SLC8A1: variants seen among roughly 807,000 people sequenced by gnomAD.
SLC8A1 encodes the protein sodium/calcium exchanger 1.
Under a neutral mutation model 68.3 loss-of-function variants are expected in SLC8A1, and 18 were observed. The ratio of observed to expected loss-of-function variants is 0.26; its 90% confidence interval spans 0.18 to 0.39. SLC8A1 has a LOEUF of 0.39. Ranked by LOEUF, SLC8A1 falls within the 10% of genes least tolerant of loss-of-function variation. The probability of loss-of-function intolerance (pLI) is 1.00; values close to 1 mark genes in which losing one functional copy is unlikely to be tolerated. For missense variants in SLC8A1, 985 were observed against 1,156.7 expected (o/e 0.85, Z 2.15); for synonymous variants, 475 against 415.5 (o/e 1.14, Z -1.74).
Position 40,510,769 on chromosome 2 carries a change from T to C in SLC8A1, c.-25+1580A>G, listed in dbSNP as rs373153561. 8.5e-5 allele frequency among the ~76,000 whole-genome samples: 13 copies of C among 152,284 alleles called. No homozygotes were observed. The East Asian group carries it at 1.7e-3, about 20-fold the overall frequency. ...TAAGTAAAATAGCCTATTTTAGAAA[T>C]ATAGAAATATGTTATTTTAATGTGC... is the stretch of plus-strand genomic sequence containing the variant. On this transcript the variant is annotated intron_variant, in intron 1 of 7. Coordinates refer to the SLC8A1 transcript ENST00000402441.
chr2:40,447,326 A>C lies in SLC8A1; in HGVS notation c.-25+4578T>G, dbSNP rs539804104. Reference sequence around the variant, plus strand: ...ATGGCTAAATCTTCAAGAAAGTATCAAATTTGTATTACCCTTGTTGCTCTA... The same window carrying C: ...ATGGCTAAATCTTCAAGAAAGTATCCAATTTGTATTACCCTTGTTGCTCTA... On this transcript the variant is annotated intron_variant, in intron 1 of 7. Coordinates refer to ENST00000406785, the Ensembl canonical transcript of SLC8A1. Among the ~76,000 whole-genome samples the C allele has an allele frequency of 5.6e-4, 86 of 152,268 alleles. 1 individual carries two copies. Among genetic ancestry groups the C allele is most frequent in the African/African-American group, 1.9e-3 (78 of 41,536 alleles).
At chr2:40,351,090 T>A (rs1260782589) in intron 2 of SLC8A1, among the ~76,000 whole-genome samples, 3 of 152,148 alleles carry the variant, frequency 2.0e-5, no homozygotes, top group Non-Finnish European at 4.4e-5. Context: ...GGTAAAGCAT[T>A]ATAAGTGGAT....
At chr2:40,500,129 AAAACAAAC>A (rs546199103) in intron 1 of SLC8A1, among the ~76,000 whole-genome samples, 1 of 151,996 alleles carries the variant, frequency 6.6e-6, no homozygotes, top group African/African-American at 2.4e-5. Flanking sequence ...AACTTTTTAA[AAAACAAAC>A]AAACAAACAA....
At chr2:40,432,387 A>T (rs1335561308) in intron 1 of SLC8A1, among the ~76,000 whole-genome samples, 1 of 116,082 alleles carries the variant, frequency 8.6e-6, no homozygotes, top group Non-Finnish European at 1.8e-5. Flanking sequence ...ATAGAGGACA[A>T]GGAGAGTGTG....
chr2:40,475,954 A>G (rs1186767374), intron 1 of SLC8A1, among the ~76,000 whole-genome samples: 1 of 152,138 alleles, frequency 6.6e-6, no homozygotes, highest in African/African-American at 2.4e-5. Flanking sequence ...TCCTCTGAGT[A>G]GTTTTCTGTT....
intron 2 of SLC8A1, among the ~76,000 whole-genome samples, chr2:40,399,706 G>T (rs1399245897): frequency 6.6e-6 from 1 of 151,898 alleles, no homozygotes; most frequent in Non-Finnish European, 1.5e-5. Context: ...GACATTTGGG[G>T]GAAAAAAAGT....
At chr2:40,311,286 A>T (rs1191194792) in intron 2 of SLC8A1, among the ~76,000 whole-genome samples, 2 of 152,074 alleles carry the variant, frequency 1.3e-5, no homozygotes, top group African/African-American at 4.8e-5. Context: ...TGACTCCAAA[A>T]CCCTTCATCA....
intron 6 of SLC8A1, among the ~76,000 whole-genome samples, chr2:40,144,944 C>G (rs919433096): frequency 5.9e-5 from 9 of 152,148 alleles, no homozygotes; most frequent in African/African-American, 2.2e-4. Context: ...TTGAAGTCTA[C>G]TTATTTAACA....
chr2:40,511,599 A>G (rs1364996271), intron 1 of SLC8A1, among the ~76,000 whole-genome samples: 5 of 152,180 alleles, frequency 3.3e-5, no homozygotes, highest in African/African-American at 4.8e-5. Context: ...ATATTCTGCC[A>G]CAATCTATTC....
intron 7 of SLC8A1, among the ~76,000 whole-genome samples, chr2:40,132,031 T>A (rs1232924280): frequency 1.3e-5 from 2 of 152,082 alleles, no homozygotes; most frequent in Admixed American, 1.3e-4. Flanking sequence ...TAGGTGTTTT[T>A]CATGCCAAAC....
chr2:40,475,449 G>T (rs1363910675), intron 1 of SLC8A1, among the ~76,000 whole-genome samples: 3 of 151,920 alleles, frequency 2.0e-5, no homozygotes, highest in Middle Eastern at 3.4e-3. Context: ...AATTATTGAG[G>T]ACCCAAAAAA....
intron 1 of SLC8A1, among the ~76,000 whole-genome samples, chr2:40,498,102 C>T (rs148235252): frequency 1.3e-5 from 2 of 151,784 alleles, no homozygotes; most frequent in Admixed American, 1.3e-4. Flanking sequence ...TACAGTTAAC[C>T]AAAGAGTTAG....
At chr2:40,188,094 T>C (rs981527395) in intron 2 of SLC8A1, among the ~76,000 whole-genome samples, 4 of 152,182 alleles carry the variant, frequency 2.6e-5, no homozygotes, top group African/African-American at 9.6e-5. Flanking sequence ...GCAAAATAGA[T>C]GCAAATTGAT....
intron 2 of SLC8A1, among the ~76,000 whole-genome samples, chr2:40,361,729 G>A (rs1005176490): frequency 6.6e-6 from 1 of 151,796 alleles, no homozygotes; most frequent in African/African-American, 2.4e-5. Context: ...GCCCTATATG[G>A]TAAGTGGCCA....
At position 40,203,848 on chromosome 2, in the gene SLC8A1, G is replaced by A. The variant is rs201194727; in HGVS notation, c.1809-25993C>T. Among the ~76,000 whole-genome samples, 95 of 151,916 alleles carry A rather than the reference G, an allele frequency of 6.3e-4. No individual in the cohort carries two copies. In the East Asian group the frequency reaches 0.015, roughly 24 times the overall value. ...TCCTCTGGAGTAGCTGGGACTACAT[G>A]CATGAACTACCACACCTGGCTAATT... On this transcript the variant is annotated intron_variant, in intron 2 of 7. Coordinates refer to ENST00000406785, the Ensembl canonical transcript of SLC8A1.
At chr2:40,424,171 TA>T (rs1311093350) in intron 2 of SLC8A1, among the ~76,000 whole-genome samples, 1 of 151,946 alleles carries the variant, frequency 6.6e-6, no homozygotes, top group East Asian at 1.9e-4. Flanking sequence ...TGTCTTGTGA[TA>T]TTTTTTCTAA....
intron 7 of SLC8A1, among the ~76,000 whole-genome samples, chr2:40,137,409 G>A (rs2040715102): frequency 6.6e-6 from 1 of 152,074 alleles, no homozygotes; most frequent in South Asian, 2.1e-4. Flanking sequence ...CCTAATTTTT[G>A]CCTTTATGAT....
intron 6 of SLC8A1, among the ~76,000 whole-genome samples, chr2:40,151,590 T>C (rs1363235705): frequency 1.3e-5 from 2 of 151,930 alleles, no homozygotes; most frequent in African/African-American, 2.4e-5. Flanking sequence ...AAGACAAAAA[T>C]AGGACAAAAA....
intron 2 of SLC8A1, among the ~76,000 whole-genome samples, chr2:40,203,569 T>C (rs2148723440): frequency 6.6e-6 from 1 of 152,170 alleles, no homozygotes; most frequent in Middle Eastern, 3.4e-3. Context: ...AAGAATAGCT[T>C]AGAGGAGTCT....
Sources: gnomAD v4.1 joint callset for allele counts (sites outside exome capture counted in the v4.1 genomes callset) on GRCh38, gnomAD v4.1.1 for gene constraint, MANE v1.5 for transcripts, NCBI Gene and HGNC (gene_info 2026-07-23, HGNC 2026-07-21) for gene names.